TMEM87B: variants seen among roughly 807,000 people sequenced by gnomAD.
The protein encoded by TMEM87B is transmembrane protein 87B.
A neutral mutation model predicts 80.3 loss-of-function variants in TMEM87B; 83 were observed. The ratio of observed to expected loss-of-function variants is 1.03; its 90% CI spans 0.87 to 1.24. The LOEUF (loss-of-function observed/expected upper bound fraction) is 1.24. Ranked by LOEUF, TMEM87B falls within the 50% of genes most tolerant of loss-of-function variation. TMEM87B has a pLI of 0.00. For missense variants in TMEM87B, 625 were observed against 674.4 expected (o/e 0.93, Z 0.81); for synonymous variants, 219 against 230.5 (o/e 0.95, Z 0.45).
chr2:112,095,419 T>A, intron 11 of TMEM87B: 3 of 984,844 alleles, frequency 3.0e-6, no homozygotes, highest in Non-Finnish European at 3.6e-6. Context: ...TTTAACAGTG[T>A]CTTGGTAAGT....
chr2:112,112,888 T>G lies in TMEM87B; in HGVS notation c.1578-11T>G, dbSNP rs1050514707. 6.2e-7 allele frequency: 1 copy of G among 1,611,720 alleles called. No homozygotes were observed. Among genetic ancestry groups the G allele is most frequent in the Non-Finnish European group, 8.5e-7 (1 of 1,178,700 alleles). The stretch of plus-strand genomic sequence containing the variant: ...AACAACATTATCACCTTTTTTTCCC[T>G]TTTATTTCAGAGCTCTTCCAGTGTT... On this transcript the variant is annotated splice_polypyrimidine_tract_variant and intron_variant, in intron 17 of 18. Transcript: ENST00000283206.
At chr2:112,088,953 G>C (rs923885870) in intron 9 of TMEM87B, among the ~76,000 whole-genome samples, 13 of 152,124 alleles carry the variant, frequency 8.5e-5, no homozygotes, top group Non-Finnish European at 4.4e-5. Context: ...TAGAGACCGG[G>C]TTTCACCACG....
chr2:112,076,357 T>A (rs2104470026), intron 5 of TMEM87B, among the ~76,000 whole-genome samples: 1 of 152,354 alleles, frequency 6.6e-6, no homozygotes, highest in East Asian at 1.9e-4. Flanking sequence ...GAGGTTTTTT[T>A]GAGACACAGG....
intron 4 of TMEM87B, among the ~76,000 whole-genome samples, chr2:112,072,313 CCCT>C (rs1192678910): frequency 1.3e-5 from 2 of 152,242 alleles, no homozygotes; most frequent in East Asian, 1.9e-4. Flanking sequence ...GGGGAGGAGT[CCCT>C]CCTCCTCAAT....
chr2:112,109,568 CAT>C (rs1679855092), intron 17 of TMEM87B, among the ~76,000 whole-genome samples: 1 of 151,228 alleles, frequency 6.6e-6, no homozygotes, highest in African/African-American at 2.4e-5. Flanking sequence ...GTATTGTTCT[CAT>C]GTGTGTGATG....
At chr2:112,081,188 A>C in intron 7 of TMEM87B, 70 bp downstream of exon 7, 2 of 1,494,876 alleles carry the variant, frequency 1.3e-6, no homozygotes, top group South Asian at 2.3e-5. Flanking sequence ...TGTGGTAGTA[A>C]TTCCTCAGTA....
rs1225612488 is a variant in TMEM87B at position 112,088,463 on chromosome 2, T to A, written c.939-1162T>A. ...TTAGTTGATTATAATGAATCAGAAT[T>A]TAGATTCCTTAGATTAGGTAAATAG... On this transcript the variant is annotated intron_variant, in intron 9 of 18. Transcript: ENST00000283206. Among the ~76,000 whole-genome samples, 5 of 152,174 alleles carry A rather than the reference T, an allele frequency of 3.3e-5. No homozygotes were observed. The East Asian group carries it at 9.6e-4, about 29-fold the overall frequency.
At chr2:112,074,699 G>C (rs1487977119) in intron 4 of TMEM87B, among the ~76,000 whole-genome samples, 1 of 152,140 alleles carries the variant, frequency 6.6e-6, no homozygotes, top group Non-Finnish European at 1.5e-5. Flanking sequence ...AGGAGTGTCA[G>C]TGAGTCATAG....
chr2:112,072,087 T>C (rs970561693), intron 4 of TMEM87B, among the ~76,000 whole-genome samples: 11 of 152,234 alleles, frequency 7.2e-5, no homozygotes, highest in African/African-American at 2.4e-4. Context: ...ATCATGTTTA[T>C]TGATTTGCAT....
intron 13 of TMEM87B, 134 bp from the exon 14 acceptor site, chr2:112,098,461 A>G (rs2104495881): frequency 1.3e-6 from 1 of 759,982 alleles, no homozygotes; most frequent in East Asian, 2.7e-5. Context: ...TTGAAAAAAT[A>G]TGTGCTTGTT....
chr2:112,075,075 TG>T lies in TMEM87B; in HGVS notation c.501+114del, dbSNP rs1334518827. The T allele has an allele frequency of 2.1e-5, 30 of 1,408,150 alleles. No individual in the cohort carries two copies. The Middle Eastern group carries it at 9.7e-4, about 46-fold the overall frequency. 87.2% of individuals were successfully genotyped at this position (1,408,150 alleles called of 1,614,324 possible). On this transcript the variant is annotated intron_variant, in intron 5 of 18. Transcript: ENST00000283206. Reference sequence around the variant, plus strand: ...TGATATAAAGTAGGGTTATTAGAACTGTGGAAGGAAAAGGAAACATTATTTA... The same window carrying T: ...TGATATAAAGTAGGGTTATTAGAACTTGGAAGGAAAAGGAAACATTATTTA...
At position 112,081,102 on chromosome 2, in the gene TMEM87B, A is replaced by G. The variant is rs775961826; in HGVS notation, c.638A>G (p.Asp213Gly). 2.6e-5 allele frequency: 42 copies of G among 1,612,774 alleles called. No homozygotes were observed. Among genetic ancestry groups the G allele is most frequent in the Non-Finnish European group, 3.4e-6 (4 of 1,179,768 alleles). The part of the protein sequence containing the change: ...IGPHGYISAS[D>G]WPLMIFYMVM... The stretch of plus-strand genomic sequence containing the variant: ...CCTCATGGATATATCTCTGCATCAG[A>G]TTGGCCCCTAATGATTGTGAGTATT... The change falls in exon 7 of 19, where the codon GAT (aspartate) becomes GGT (glycine). Residue 213 changes from aspartate (D) to glycine (G), a missense_variant. Asp to Gly is a moderately conservative substitution (Grantham distance 94). Coordinates refer to ENST00000283206, the MANE Select transcript of TMEM87B (RefSeq NM_032824.3).
chr2:112,079,284 C>T (rs1257210596), intron 6 of TMEM87B, among the ~76,000 whole-genome samples: 1 of 152,178 alleles, frequency 6.6e-6, no homozygotes, highest in Non-Finnish European at 1.5e-5. Context: ...TCCTACCTCC[C>T]AGCCTCTGTA....
chr2:112,065,067 T>C (rs1431518956), intron 3 of TMEM87B, among the ~76,000 whole-genome samples: 1 of 152,080 alleles, frequency 6.6e-6, no homozygotes, highest in Non-Finnish European at 1.5e-5. Context: ...CAAGTGACCC[T>C]CCTGGCAGGT....
chr2:112,100,288 A>G (rs9653401), intron 14 of TMEM87B, among the ~76,000 whole-genome samples: 86,677 of 152,010 alleles, frequency 0.57, 25,636 homozygotes, highest in East Asian at 0.87. Flanking sequence ...TTTTTTTAGG[A>G]AATAAACTGA....
At chr2:112,090,525 T>C (rs1679270491) in intron 10 of TMEM87B, among the ~76,000 whole-genome samples, 1 of 151,940 alleles carries the variant, frequency 6.6e-6, no homozygotes, top group African/African-American at 2.4e-5. Flanking sequence ...CTCCTAGACT[T>C]AAGCAGTCCT....
At chr2:112,100,981 A>G (rs1241730653) in intron 15 of TMEM87B, among the ~76,000 whole-genome samples, 1 of 152,148 alleles carries the variant, frequency 6.6e-6, no homozygotes, top group African/African-American at 2.4e-5. Flanking sequence ...CTGCTAAATA[A>G]TGTTCATCTT....
At chr2:112,104,488 G>A (rs1372393573) in intron 15 of TMEM87B, among the ~76,000 whole-genome samples, 5 of 152,114 alleles carry the variant, frequency 3.3e-5, no homozygotes, top group African/African-American at 7.2e-5. Flanking sequence ...CAGTCATCAG[G>A]GAAATGCAAA....
intron 17 of TMEM87B, among the ~76,000 whole-genome samples, chr2:112,112,678 A>C (rs190551987): frequency 2.6e-5 from 4 of 152,168 alleles, no homozygotes; most frequent in Non-Finnish European, 5.9e-5. Context: ...ATAACCCGCA[A>C]TTTACCCATT....
Sources: gnomAD v4.1 joint callset for allele counts (sites outside exome capture counted in the v4.1 genomes callset) on GRCh38, gnomAD v4.1.1 for gene constraint, MANE v1.5 for transcripts, NCBI Gene and HGNC (gene_info 2026-07-23, HGNC 2026-07-21) for gene names.